The following ATP1B1 variants were observed in gnomAD, a reference collection of about 807,000 sequenced individuals.
The protein encoded by ATP1B1 is ATPase Na+/K+ transporting subunit beta 1, also known as sodium/potassium-transporting ATPase subunit beta-1.
Under a neutral mutation model 39.6 loss-of-function variants are expected in ATP1B1, and 3 were observed. The ratio of observed to expected loss-of-function variants is 0.08; its 90% CI spans 0.03 to 0.20. ATP1B1 has a LOEUF of 0.20. ATP1B1 is among the 10% of genes least tolerant of loss of function. ATP1B1 has a pLI of 1.00. For synonymous variants in ATP1B1, 139 were observed against 135.0 expected (o/e 1.03, Z -0.20); for missense variants, 216 against 371.1 (o/e 0.58, Z 3.43).
At chr1:169,110,567 C>CTTTTT (rs11423213) in intron 1 of ATP1B1, 27 of 434,688 alleles carry the variant, frequency 6.2e-5, no homozygotes, top group East Asian at 2.4e-4. Context: ...TGTGTTGAGT[C>CTTTTT]TTTTTTTTTT....
intron 2 of ATP1B1, among the ~76,000 whole-genome samples, chr1:169,124,587 C>T (rs936958681): frequency 1.3e-5 from 2 of 152,162 alleles, no homozygotes; most frequent in Admixed American, 6.5e-5. Context: ...TTCTGTGCAG[C>T]CTTGGCCCAG....
chr1:169,132,501 A>C lies in ATP1B1; in HGVS notation c.*946A>C, dbSNP rs945274440. On this transcript the variant is annotated 3_prime_UTR_variant, in exon 6 of 6. Transcript: ENST00000367815. ...AATTTTATTTTTTTCTGCAAGAAAA[A>C]GTGTAATGTATGAAATAAACCAAAG... 2.3e-6 allele frequency: 1 copy of C among 426,644 alleles called. No homozygotes were observed. The highest frequency in any genetic ancestry group is 4.1e-6 in the Non-Finnish European group (1 of 243,018). The allele number at this position is 426,644 out of a possible 1,614,324, so 26.4% of individuals were successfully genotyped here.
chr1:169,131,635 A>C lies in ATP1B1; in HGVS notation c.*80A>C. On this transcript the variant is annotated 3_prime_UTR_variant, in exon 6 of 6. Transcript: ENST00000367815. This position sits in a 1 kb window ranked among gnomAD's most constrained non-coding sequence, Gnocchi z 4.4. ...AAACAAAAACCTACTAGTCTTGAAC[A>C]AACTGTCATACGTATGGGACCTACA... 6.7e-7 allele frequency: 1 copy of C among 1,483,794 alleles called. No individual in the cohort carries two copies. The highest frequency in any genetic ancestry group is 9.1e-7 in the Non-Finnish European group (1 of 1,101,558). 91.9% of individuals were successfully genotyped at this position (1,483,794 alleles called of 1,614,324 possible).
At chr1:169,127,975 T>C (rs888948523) in intron 4 of ATP1B1, among the ~76,000 whole-genome samples, 6 of 152,212 alleles carry the variant, frequency 3.9e-5, no homozygotes, top group African/African-American at 1.2e-4. Flanking sequence ...AGCCATGCTG[T>C]TGGCTTTTTG....
intron 4 of ATP1B1, among the ~76,000 whole-genome samples, chr1:169,128,378 C>G (rs777490253): frequency 4.0e-5 from 6 of 151,898 alleles, no homozygotes; most frequent in Non-Finnish European, 8.8e-5. Flanking sequence ...TGCTTGTTAC[C>G]CATGAATAAT....
At chr1:169,122,770 T>TTTTTTTTTTTTA (rs71121722) in intron 2 of ATP1B1, among the ~76,000 whole-genome samples, 4 of 101,346 alleles carry the variant, frequency 3.9e-5, no homozygotes, top group African/African-American at 1.0e-4. Context: ...TTTTTTTTTT[T>TTTTTTTTTTTTA]AATTGCGATA....
At chr1:169,128,224 C>T (rs1037955464) in intron 4 of ATP1B1, among the ~76,000 whole-genome samples, 8 of 152,086 alleles carry the variant, frequency 5.3e-5, no homozygotes, top group East Asian at 1.9e-4. Flanking sequence ...CGTATATGAG[C>T]GTTGGCATTA....
chr1:169,109,567 A>G (rs1429256731), intron 1 of ATP1B1, among the ~76,000 whole-genome samples: 2 of 152,324 alleles, frequency 1.3e-5, no homozygotes, highest in South Asian at 2.1e-4. Context: ...CAGAATAGAA[A>G]GGCTGTCTGT....
At chr1:169,109,130 G>A (rs1158198581) in intron 1 of ATP1B1, among the ~76,000 whole-genome samples, 1 of 152,158 alleles carries the variant, frequency 6.6e-6, no homozygotes, top group East Asian at 1.9e-4. Context: ...TGTGCCTTCT[G>A]CCTTTTTATT....
intron 2 of ATP1B1, among the ~76,000 whole-genome samples, chr1:169,121,717 C>T (rs1264369781): frequency 6.6e-6 from 1 of 152,190 alleles, no homozygotes; most frequent in Non-Finnish European, 1.5e-5. Context: ...CTTCGCAATC[C>T]AGGTTTTACC....
At chr1:169,128,731 TTC>T (rs1421946707) in intron 4 of ATP1B1, among the ~76,000 whole-genome samples, 4 of 152,228 alleles carry the variant, frequency 2.6e-5, no homozygotes, top group East Asian at 1.9e-4. Context: ...ATCCCATACT[TTC>T]TGAGTACCTT....
At chr1:169,107,432 A>T (rs915542874) in intron 1 of ATP1B1, among the ~76,000 whole-genome samples, 13 of 152,286 alleles carry the variant, frequency 8.5e-5, no homozygotes, top group Non-Finnish European at 1.5e-4. Context: ...AGAGGAATCC[A>T]TCCACACTGT....
At chr1:169,118,523 A>G (rs1181137553) in intron 2 of ATP1B1, among the ~76,000 whole-genome samples, 1 of 152,156 alleles carries the variant, frequency 6.6e-6, no homozygotes, top group African/African-American at 2.4e-5. Context: ...CTCTCCCCTT[A>G]CTTTGCTAGG....
Position 169,127,421 on chromosome 1 carries a change from T to G in ATP1B1, c.567+13T>G, listed in dbSNP as rs1658111922. On this transcript the variant is annotated intron_variant, in intron 4 of 5. Coordinates refer to ENST00000367815, the MANE Select transcript of ATP1B1 (RefSeq NM_001677.4). ...CTTCAAACCTAAGGCAAGTAATATT[T>G]TAAATGATAGAATTTAGATGAGTCA... 4 of 1,600,452 alleles carry G rather than the reference T, an allele frequency of 2.5e-6. No homozygotes were observed. The highest frequency in any genetic ancestry group is 3.5e-5 in the Admixed American group (2 of 56,500).
chr1:169,115,090 C>T (rs542497530), intron 2 of ATP1B1, among the ~76,000 whole-genome samples: 1 of 148,908 alleles, frequency 6.7e-6, no homozygotes, highest in East Asian at 2.0e-4. Flanking sequence ...AAGGCTGAGG[C>T]AGGAGAATGG....
chr1:169,123,184 C>T (rs1261891328), intron 2 of ATP1B1, among the ~76,000 whole-genome samples: 1 of 152,218 alleles, frequency 6.6e-6, no homozygotes, highest in Non-Finnish European at 1.5e-5. Flanking sequence ...TCGTTGTCTT[C>T]ATATCTGAGT....
intron 1 of ATP1B1, among the ~76,000 whole-genome samples, chr1:169,109,821 G>A (rs1041845457): frequency 1.3e-5 from 2 of 152,046 alleles, no homozygotes; most frequent in African/African-American, 2.4e-5. Flanking sequence ...TACGATAGCT[G>A]CCTTGCTGAC....
intron 1 of ATP1B1, among the ~76,000 whole-genome samples, chr1:169,111,102 G>C (rs1484881486): frequency 6.6e-6 from 1 of 151,700 alleles, no homozygotes; most frequent in African/African-American, 2.4e-5. Flanking sequence ...TTAAAATTTA[G>C]GGAATAAAAA....
Position 169,132,035 on chromosome 1 carries a change from T to TG in ATP1B1, c.*480_*481insG, listed in dbSNP as rs1386731103. The TG allele has an allele frequency of 9.0e-3, 2,198 of 244,458 alleles. 39 individuals carry two copies. Among genetic ancestry groups the TG allele is most frequent in the African/African-American group, 0.043 (1,731 of 40,024 alleles). The allele number at this position is 244,458 out of a possible 1,614,324, so 15.1% of individuals were successfully genotyped here. ...GGCATGGTAATTTTTTTTTTTTTTT[T>TG]TTTTTTGTTTTTTGGCTCTTTCAAA... On this transcript the variant is annotated 3_prime_UTR_variant, in exon 6 of 6. Coordinates refer to ENST00000367815, the MANE Select transcript of ATP1B1 (RefSeq NM_001677.4).
Sources: allele counts gnomAD v4.1 joint callset (sites outside exome capture counted in the v4.1 genomes callset), GRCh38; gene constraint gnomAD v4.1.1; non-coding constraint Gnocchi (gnomAD v3.1); transcripts MANE v1.5; gene names NCBI Gene and HGNC (gene_info 2026-07-23, HGNC 2026-07-21).